Variants in NR3C1 observed in about 807,000 individuals in gnomAD.
NR3C1 encodes the protein nuclear receptor subfamily 3 group C member 1.
A neutral mutation model predicts 74.0 loss-of-function variants in NR3C1; 14 were observed. The observed-to-expected ratio is 0.19, with a 90% CI of 0.12 to 0.30. The LOEUF (loss-of-function observed/expected upper bound fraction) is 0.30, where lower values mean the gene tolerates loss of function less well. NR3C1 is among the 10% of genes least tolerant of loss of function. The pLI is 1.00. For missense variants in NR3C1, 695 were observed against 909.8 expected, an observed-to-expected ratio of 0.76 and a Z score of 3.04; for synonymous variants, 308 against 332.5, an observed-to-expected ratio of 0.93 and a Z score of 0.80.
chr5:143,402,950 G>T (rs61759020), intron 1 of NR3C1: 11 of 750,220 alleles, frequency 1.5e-5, no homozygotes, highest in African/African-American at 1.9e-5. Flanking sequence ...GTTCGACAGG[G>T]CTCCGCTCGC....
Position 143,282,575 on chromosome 5 carries a change from A to G in NR3C1, c.2174T>C (p.Met725Thr). 6.2e-7 allele frequency: 1 copy of G among 1,613,880 alleles called. No homozygotes were observed. ...TTTATGTTTGACACTTACTTCATGCATAGAATCCAAGAGTTTTGTCAGTTG... is the reference window on the plus strand; with the variant it reads ...TTTATGTTTGACACTTACTTCATGCGTAGAATCCAAGAGTTTTGTCAGTTG... ...FYQLTKLLDS[M>T]HEVVENLLNY... is the part of the protein sequence containing the mutation. Residue 725 changes from methionine to threonine, a missense_variant, in exon 8 of 9, where the codon ATG becomes ACG. Transcript: ENST00000394464.
chr5:143,394,996 C>G (rs1838930648), intron 2 of NR3C1, among the ~76,000 whole-genome samples: 1 of 151,954 alleles, frequency 6.6e-6, no homozygotes, highest in Non-Finnish European at 1.5e-5. Flanking sequence ...GTATTGAGCA[C>G]TAAGGAAAGC....
chr5:143,405,203 G>A, upstream of NR3C1: 5 of 985,782 alleles, frequency 5.1e-6, no homozygotes, highest in Non-Finnish European at 6.0e-6. Flanking sequence ...TGTGCTGTGT[G>A]GGTTTAGGGT....
At position 143,370,736 on chromosome 5, in the gene NR3C1, A is replaced by AGAAACATCTATATAGATAGAGCAGC. The variant is rs1411437874; in HGVS notation, c.1184+28919_1184+28920insGCTGCTCTATCTATATAGATGTTTC. ...TATTTGAGCAGCTTCATGATAGATG[A>AGAAACATCTATATAGATAGAGCAGC]AGAAACACAAAAATTCCCACTTGGA... On this transcript the variant is annotated intron_variant, in intron 2 of 8. Coordinates refer to ENST00000394464, the MANE Select transcript of NR3C1 (RefSeq NM_000176.3). Among the ~76,000 whole-genome samples, 248 of 152,246 alleles carry AGAAACATCTATATAGATAGAGCAGC rather than the reference A, an allele frequency of 1.6e-3. 2 individuals carry two copies. Among genetic ancestry groups the AGAAACATCTATATAGATAGAGCAGC allele is most frequent in the Middle Eastern group, 0.01 (3 of 294 alleles).
chr5:143,382,026 G>C (rs1035072755), intron 2 of NR3C1, among the ~76,000 whole-genome samples: 1 of 152,046 alleles, frequency 6.6e-6, no homozygotes, highest in Non-Finnish European at 1.5e-5. Context: ...CATCTGAGAA[G>C]GGATTAATAA....
At chr5:143,305,904 A>G (rs1321328531) in intron 4 of NR3C1, among the ~76,000 whole-genome samples, 2 of 152,180 alleles carry the variant, frequency 1.3e-5, no homozygotes, top group African/African-American at 4.8e-5. Context: ...AAAATAAGAG[A>G]GAAACTACTA....
chr5:143,426,400 A>AT (rs1260314064), intron 1 of NR3C1, among the ~76,000 whole-genome samples: 1 of 152,256 alleles, frequency 6.6e-6, no homozygotes, highest in Non-Finnish European at 1.5e-5. Context: ...GTCAATAGTC[A>AT]TAACAAAAAT....
At chr5:143,306,315 T>G (rs767283832) in intron 4 of NR3C1, among the ~76,000 whole-genome samples, 9 of 152,118 alleles carry the variant, frequency 5.9e-5, no homozygotes, top group Non-Finnish European at 1.2e-4. Context: ...ACTGCTTGGC[T>G]TAGGGGAAGC....
At chr5:143,312,271 G>C (rs148660804) in intron 3 of NR3C1, among the ~76,000 whole-genome samples, 1 of 152,230 alleles carries the variant, frequency 6.6e-6, no homozygotes, top group African/African-American at 2.4e-5. Flanking sequence ...AGATTGGTCT[G>C]TGTGGCCAAT....
intron 2 of NR3C1, among the ~76,000 whole-genome samples, chr5:143,330,545 A>G (rs949901742): frequency 3.9e-5 from 6 of 152,218 alleles, no homozygotes; most frequent in African/African-American, 7.2e-5. Context: ...CCCTCTTGAA[A>G]AGAATCAAAA....
At chr5:143,337,908 T>C (rs1220875443) in intron 2 of NR3C1, among the ~76,000 whole-genome samples, 1 of 152,126 alleles carries the variant, frequency 6.6e-6, no homozygotes, top group Non-Finnish European at 1.5e-5. Context: ...AGGAACAAAA[T>C]AGGATTTGTA....
At chr5:143,380,855 A>G (rs573957326) in intron 2 of NR3C1, among the ~76,000 whole-genome samples, 1 of 152,340 alleles carries the variant, frequency 6.6e-6, no homozygotes, top group East Asian at 1.9e-4. Flanking sequence ...ATCATACTGA[A>G]TGGGGAAAAA....
chr5:143,363,852 G>C (rs749004932), intron 2 of NR3C1, among the ~76,000 whole-genome samples: 4 of 152,094 alleles, frequency 2.6e-5, no homozygotes, highest in Non-Finnish European at 5.9e-5. Context: ...CCAGTCTGAG[G>C]AAGTGAAAGA....
In NR3C1 at chr5:143,400,814, G is replaced by A; in HGVS notation, c.26C>T (p.Pro9Leu). 1 of 1,614,014 alleles carries A rather than the reference G, an allele frequency of 6.2e-7. No individual in the cohort carries two copies. Among genetic ancestry groups the A allele is most frequent in the Non-Finnish European group, 8.5e-7 (1 of 1,180,020 alleles). Residue 9 changes from proline (P) to leucine (L), a missense_variant, in exon 2 of 9, where the codon CCT becomes CTT. This residue lies in a region of NR3C1 where 497 missense variants were observed against 489.5 expected (regional missense o/e 1.02). Coordinates refer to ENST00000394464, the MANE Select transcript of NR3C1 (RefSeq NM_000176.3). MDSKESLTPGREENPSSVL... is the reference protein window; with the variant it reads MDSKESLTLGREENPSSVL... ...ACTGCTGGGGTTTTCTTCTCTACCA[G>A]GAGTTAATGATTCTTTGGAGTCCAT... is the stretch of plus-strand genomic sequence containing the variant.
intron 4 of NR3C1, among the ~76,000 whole-genome samples, chr5:143,302,921 G>A (rs1040595541): frequency 5.3e-5 from 8 of 152,038 alleles, no homozygotes; most frequent in African/African-American, 1.7e-4. Flanking sequence ...GTGTTCATGA[G>A]TCTGTGGTAA....
At chr5:143,434,083 T>G (rs1233630690) in intron 1 of NR3C1, among the ~76,000 whole-genome samples, 2 of 152,338 alleles carry the variant, frequency 1.3e-5, no homozygotes, top group South Asian at 4.1e-4. Context: ...CTTTACTTTA[T>G]TCAGACCCCT....
intron 3 of NR3C1, among the ~76,000 whole-genome samples, 191 bp downstream of exon 3, chr5:143,313,811 A>AT: frequency 6.6e-6 from 1 of 152,056 alleles, no homozygotes; most frequent in Non-Finnish European, 1.5e-5. Context: ...TTTCTATTTT[A>AT]TTCTAGATCT....
At chr5:143,342,769 C>A (rs1303638834) in intron 2 of NR3C1, among the ~76,000 whole-genome samples, 1 of 152,152 alleles carries the variant, frequency 6.6e-6, no homozygotes, top group African/African-American at 2.4e-5. Context: ...GAAGCTTCAA[C>A]AGCTCATTGT....
At chr5:143,298,522 T>C (rs1817797929) in intron 6 of NR3C1, 146 bp downstream of exon 6, 1 of 807,580 alleles carries the variant, frequency 1.2e-6, no homozygotes, top group Admixed American at 2.0e-5. Context: ...CAAGCACTCA[T>C]AACTCTATTT....
Sources: gnomAD v4.1 joint callset for allele counts (sites outside exome capture counted in the v4.1 genomes callset) on GRCh38, gnomAD v4.1.1 for gene constraint, gnomAD v4.1.1 regional missense constraint, MANE v1.5 for transcripts, NCBI Gene and HGNC (gene_info 2026-07-23, HGNC 2026-07-21) for gene names.